MAPK10: variants seen among roughly 807,000 people sequenced by gnomAD.
The protein encoded by MAPK10 is mitogen-activated protein kinase 10.
Under a neutral mutation model 59.3 loss-of-function variants are expected in MAPK10, and 25 were observed. The observed-to-expected ratio is 0.42, with a 90% confidence interval of 0.31 to 0.59. MAPK10 has a LOEUF of 0.59. Ranked by LOEUF, MAPK10 falls within the 20% of genes least tolerant of loss-of-function variation. The probability of loss-of-function intolerance (pLI) is 0.15; values close to 1 mark genes in which losing one functional copy is unlikely to be tolerated. For missense variants in MAPK10, 351 were observed against 568.9 expected, an observed-to-expected ratio of 0.62 and a Z score of 3.90; for synonymous variants, 190 against 200.5, an observed-to-expected ratio of 0.95 and a Z score of 0.44.
chr4:86,238,507 C>A (rs907950510), intron 2 of MAPK10, among the ~76,000 whole-genome samples: 1 of 152,060 alleles, frequency 6.6e-6, no homozygotes, highest in African/African-American at 2.4e-5. Context: ...CTGTTTGTTT[C>A]CTCTCTTATT....
In MAPK10 at chr4:86,354,615, G is replaced by A; in HGVS notation, c.-92C>T. ...AGTTGCCATAGTGAAGATCTGAGAT[G>A]GGCCTGCTGTTGGTGTTTCTCACAC... On this transcript the variant is annotated 5_prime_UTR_variant, in exon 2 of 14. Transcript: ENST00000641462. The A allele has an allele frequency of 8.1e-7, 1 of 1,230,280 alleles. No homozygotes were observed. The highest frequency in any genetic ancestry group is 1.0e-6 in the Non-Finnish European group (1 of 986,398). The allele number at this position is 1,230,280 out of a possible 1,614,324, so 76.2% of individuals were successfully genotyped here.
At chr4:86,186,483 A>C (rs986644990) in intron 3 of MAPK10, among the ~76,000 whole-genome samples, 4 of 152,164 alleles carry the variant, frequency 2.6e-5, no homozygotes, top group African/African-American at 9.6e-5. Context: ...ATGCAAAAAC[A>C]ATGTTTTGTT....
chr4:86,177,504 T>G (rs2075949228), intron 3 of MAPK10, among the ~76,000 whole-genome samples: 1 of 152,082 alleles, frequency 6.6e-6, no homozygotes, highest in Non-Finnish European at 1.5e-5. Flanking sequence ...ACCCATCAAA[T>G]GAAATGAGCA....
At chr4:86,447,674 A>G (rs1444569971) in intron 1 of MAPK10, among the ~76,000 whole-genome samples, 2 of 152,072 alleles carry the variant, frequency 1.3e-5, no homozygotes, top group East Asian at 3.9e-4. Flanking sequence ...TCTTTTTTGA[A>G]TCTATGAAGA....
intron 2 of MAPK10, among the ~76,000 whole-genome samples, chr4:86,233,594 G>T (rs2091886075): frequency 6.6e-6 from 1 of 152,064 alleles, no homozygotes; most frequent in Admixed American, 6.5e-5. Flanking sequence ...GGTCGGATAG[G>T]CTAGATTTCT....
At chr4:86,201,426 G>A (rs1361568778) in intron 2 of MAPK10, among the ~76,000 whole-genome samples, 1 of 151,720 alleles carries the variant, frequency 6.6e-6, no homozygotes, top group African/African-American at 2.4e-5. Context: ...ATATAATGCT[G>A]ACTAAAAATT....
intron 1 of MAPK10, chr4:86,392,514 C>A (rs906650502): frequency 3.3e-5 from 5 of 150,826 alleles, no homozygotes; most frequent in Non-Finnish European, 7.4e-5. Context: ...CACACCTGTT[C>A]AGTTACATAA....
chr4:86,039,434 C>T (rs1391368174), intron 11 of MAPK10, among the ~76,000 whole-genome samples: 1 of 152,178 alleles, frequency 6.6e-6, no homozygotes, highest in African/African-American at 2.4e-5. Context: ...CACAGAAAAA[C>T]CCAGCACCAA....
chr4:86,340,128 A>C (rs1290602074), intron 2 of MAPK10, among the ~76,000 whole-genome samples: 1 of 152,214 alleles, frequency 6.6e-6, no homozygotes, highest in African/African-American at 2.4e-5. Context: ...CATAGTTCTA[A>C]TAACTTTACA....
intron 1 of MAPK10, among the ~76,000 whole-genome samples, chr4:86,510,086 T>A (rs1756103645): frequency 6.6e-6 from 1 of 152,154 alleles, no homozygotes; most frequent in South Asian, 2.1e-4. Flanking sequence ...ACAACTTAAG[T>A]AAATCTTTGA....
At chr4:86,510,740 T>C (rs764175141) in intron 1 of MAPK10, among the ~76,000 whole-genome samples, 1 of 152,084 alleles carries the variant, frequency 6.6e-6, no homozygotes, top group African/African-American at 2.4e-5. Flanking sequence ...TGCAGCAACA[T>C]AGGTGGAACT....
chr4:86,277,462 T>C (rs1465313211), intron 2 of MAPK10, among the ~76,000 whole-genome samples: 3 of 152,172 alleles, frequency 2.0e-5, no homozygotes, highest in African/African-American at 7.2e-5. Context: ...CAGTGTTCCA[T>C]GTTAGCTCTT....
In MAPK10 at chr4:86,271,643, T is replaced by C. The variant is rs140251680; in HGVS notation, c.-6-77236A>G. 5.8e-3 allele frequency among the ~76,000 whole-genome samples: 878 copies of C among 151,866 alleles called. 7 individuals are homozygous for C. Among genetic ancestry groups the C allele is most frequent in the African/African-American group, 0.02 (826 of 41,438 alleles). ...ATTTATTATGTAAGGGAAAGAGGTT[T>C]ACTGACTCAGTTCCACAGGGCTTGG... On this transcript the variant is annotated intron_variant, in intron 2 of 13. Transcript: ENST00000641462.
At chr4:86,228,809 C>T (rs1337634307) in intron 2 of MAPK10, among the ~76,000 whole-genome samples, 5 of 152,018 alleles carry the variant, frequency 3.3e-5, no homozygotes, top group African/African-American at 4.8e-5. Flanking sequence ...GACAGATTCC[C>T]GGGTAAGCTA....
At chr4:86,096,610 T>G (rs930729010) in intron 9 of MAPK10, among the ~76,000 whole-genome samples, 8 of 151,980 alleles carry the variant, frequency 5.3e-5, no homozygotes, top group Non-Finnish European at 1.2e-4. Context: ...GATGTGGCTG[T>G]GCAACTTCAC....
At chr4:86,233,748 C>A (rs1395334424) in intron 2 of MAPK10, among the ~76,000 whole-genome samples, 3 of 152,166 alleles carry the variant, frequency 2.0e-5, no homozygotes, top group South Asian at 2.1e-4. Flanking sequence ...TCACTAGGCA[C>A]CTTGCAGAGC....
chr4:86,314,573 C>T (rs372552317), intron 2 of MAPK10, among the ~76,000 whole-genome samples: 2 of 152,040 alleles, frequency 1.3e-5, no homozygotes, highest in Non-Finnish European at 2.9e-5. Context: ...TCTTCCCAGT[C>T]GTGGGTATGT....
chr4:86,414,214 C>T (rs1745567498), intron 1 of MAPK10, among the ~76,000 whole-genome samples: 1 of 152,158 alleles, frequency 6.6e-6, no homozygotes, highest in Non-Finnish European at 1.5e-5. Flanking sequence ...TACCCCTCAT[C>T]CATGATATCC....
chr4:86,475,313 T>A (rs1752992707), intron 1 of MAPK10, among the ~76,000 whole-genome samples: 1 of 152,170 alleles, frequency 6.6e-6, no homozygotes, highest in Non-Finnish European at 1.5e-5. Flanking sequence ...GAGAAAGATC[T>A]ACCTACGACC....
Sources: gnomAD v4.1 joint callset for allele counts (sites outside exome capture counted in the v4.1 genomes callset) on GRCh38, gnomAD v4.1.1 for gene constraint, MANE v1.5 for transcripts, NCBI Gene and HGNC (gene_info 2026-07-23, HGNC 2026-07-21) for gene names.